FARP2: variants seen among roughly 807,000 people sequenced by gnomAD.
FARP2 encodes FERM, ARHGEF and pleckstrin domain-containing protein 2.
FARP2 carries 111 observed loss-of-function variants against 130.5 expected under a neutral mutation model. The observed-to-expected ratio is 0.85, with a 90% CI of 0.73 to 1.00. The LOEUF (loss-of-function observed/expected upper bound fraction) is 1.00, where lower values mean the gene tolerates loss of function less well. FARP2 is among the 50% of genes least tolerant of loss of function. FARP2 has a pLI of 0.00. For synonymous variants in FARP2, 504 were observed against 516.9 expected (o/e 0.98, Z 0.34); for missense variants, 1,385 against 1,346.3 (o/e 1.03, Z -0.45).
Position 241,458,336 on chromosome 2 carries a change from A to G in FARP2, c.1587+1414A>G, listed in dbSNP as rs181747525. 2.7e-3 allele frequency among the ~76,000 whole-genome samples: 418 copies of G among 152,252 alleles called. 6 individuals carry two copies. Among genetic ancestry groups the G allele is most frequent in the Admixed American group, 3.1e-3 (47 of 15,306 alleles). ...GGGAGGTATGTCATTGTGACACCTCAGCACTCCTGCTTTGGCCCGAATTGG... is the reference window on the plus strand; with the variant it reads ...GGGAGGTATGTCATTGTGACACCTCGGCACTCCTGCTTTGGCCCGAATTGG... On this transcript the variant is annotated intron_variant, in intron 14 of 26. Transcript: ENST00000264042.
At chr2:241,402,876 A>AT (rs1559735163) in intron 2 of FARP2, among the ~76,000 whole-genome samples, 10 of 10,448 alleles carry the variant, frequency 9.6e-4, no homozygotes, top group Non-Finnish European at 1.2e-3. Flanking sequence ...ATATATATAT[A>AT]TATATTTTTT....
Position 241,491,121 on chromosome 2 carries a change from G to C in FARP2, c.2565G>C (p.Lys855Asn), listed in dbSNP as rs917540877. Residue 855 changes from lysine to asparagine, a missense_variant, in exon 23 of 27, where the codon AAG becomes AAC. Coordinates refer to ENST00000264042, the MANE Select transcript of FARP2 (RefSeq NM_014808.4). ...TGAACTCCGCGATCCAAGCAGCCAA[G>C]AGTGGCGGTGACACGGCCCCTGCAC... ...LDLNSAIQAA[K>N]SGGDTAPALP... is the part of the protein sequence containing the mutation. 1 of 1,613,368 alleles carries C rather than the reference G, an allele frequency of 6.2e-7. No homozygotes were observed. Among genetic ancestry groups the C allele is most frequent in the Non-Finnish European group, 8.5e-7 (1 of 1,180,000 alleles).
chr2:241,470,213 C>T (rs535741120), intron 18 of FARP2, among the ~76,000 whole-genome samples: 1 of 152,248 alleles, frequency 6.6e-6, no homozygotes, highest in Non-Finnish European at 1.5e-5. Context: ...TTGGGGCTGG[C>T]AGAAGCCAGC....
chr2:241,384,340 C>T (rs1438920254), intron 2 of FARP2, among the ~76,000 whole-genome samples: 1 of 152,036 alleles, frequency 6.6e-6, no homozygotes, highest in African/African-American at 2.4e-5. Context: ...CAGCTTTTTG[C>T]CACAGTGGTA....
intron 16 of FARP2, 69 bp downstream of exon 16, chr2:241,463,537 C>G: frequency 6.5e-7 from 1 of 1,541,648 alleles, no homozygotes; most frequent in Non-Finnish European, 8.7e-7. Flanking sequence ...TTAGGAACTT[C>G]CCAGCTTCAG....
intron 8 of FARP2, among the ~76,000 whole-genome samples, chr2:241,420,339 G>A (rs2379200): frequency 2.6e-5 from 4 of 152,100 alleles, no homozygotes; most frequent in Non-Finnish European, 5.9e-5. Context: ...GTGGGGAAAA[G>A]AGAGAAAATT....
chr2:241,434,026 T>C, intron 9 of FARP2, 132 bp from the exon 10 acceptor site: 1 of 702,744 alleles, frequency 1.4e-6, no homozygotes, highest in Admixed American at 2.8e-5. Context: ...CAGAGCAAGA[T>C]CCTGTCTCAA....
intron 18 of FARP2, among the ~76,000 whole-genome samples, chr2:241,472,225 A>G (rs374899204): frequency 0.049 from 3,146 of 64,156 alleles, no homozygotes; most frequent in Admixed American, 0.15. Context: ...TGAGGGGACC[A>G]TGTTCTGTGG....
intron 13 of FARP2, among the ~76,000 whole-genome samples, chr2:241,456,027 G>A (rs867203165): frequency 6.6e-6 from 1 of 151,236 alleles, no homozygotes. Flanking sequence ...TAACCTTTGA[G>A]AATTTTTTTA....
At chr2:241,465,466 C>T (rs1429879225) in intron 17 of FARP2, 16 of 1,550,350 alleles carry the variant, frequency 1.0e-5, no homozygotes, top group Middle Eastern at 1.7e-4. Context: ...TCAGGTGTTC[C>T]AGCTCCACGA....
At chr2:241,359,437 T>C (rs553223236) in intron 1 of FARP2, among the ~76,000 whole-genome samples, 1 of 152,348 alleles carries the variant, frequency 6.6e-6, no homozygotes, top group South Asian at 2.1e-4. Flanking sequence ...TCCAACCAGT[T>C]GGCCCACTAG....
chr2:241,455,170 G>T (rs2063796918), intron 13 of FARP2, among the ~76,000 whole-genome samples: 1 of 152,204 alleles, frequency 6.6e-6, no homozygotes, highest in African/African-American at 2.4e-5. Context: ...GCATCTGAAG[G>T]TGCCAACAGT....
At chr2:241,428,745 C>A (rs1167176118) in intron 8 of FARP2, among the ~76,000 whole-genome samples, 1 of 151,936 alleles carries the variant, frequency 6.6e-6, no homozygotes, top group Non-Finnish European at 1.5e-5. Context: ...TATCTAATTT[C>A]AGAACGTTTT....
At position 241,453,768 on chromosome 2, in the gene FARP2, G is replaced by GTTTTTTTTTTTTTTTTTTTTTTTTT. The variant is rs1559786201; in HGVS notation, c.1412-2979_1412-2978insTTTTTTTTTTTTTTTTTTTTTTTTT. ...TTGTTTACTGGGAGTGGCACTTACT[G>GTTTTTTTTTTTTTTTTTTTTTTTTT]GTTTTTTTTTTTTTTTTTTTTTTTT... On this transcript the variant is annotated intron_variant, in intron 13 of 26. Transcript: ENST00000264042. 5.0e-5 allele frequency among the ~76,000 whole-genome samples: 5 copies of GTTTTTTTTTTTTTTTTTTTTTTTTT among 99,896 alleles called. 1 individual carries two copies. The highest frequency in any genetic ancestry group is 8.0e-5 in the African/African-American group (2 of 25,058). The allele number at this position is 99,896 out of a possible 152,430, so 65.5% of individuals were successfully genotyped here. A position where few individuals can be genotyped will look rare whatever the true frequency, so the allele number is the denominator to read the frequency against.
chr2:241,492,267 G>C (rs1261291254), intron 24 of FARP2, among the ~76,000 whole-genome samples: 1 of 152,192 alleles, frequency 6.6e-6, no homozygotes, highest in Non-Finnish European at 1.5e-5. Context: ...CCGTGAGGGG[G>C]CTGAGCCCGA....
At chr2:241,389,251 C>T (rs1419022059) in intron 2 of FARP2, among the ~76,000 whole-genome samples, 8 of 152,120 alleles carry the variant, frequency 5.3e-5, no homozygotes, top group Non-Finnish European at 1.0e-4. Flanking sequence ...TGCCCTCCAG[C>T]CTGGATGACA....
chr2:241,462,427 G>A (rs2064044761), intron 14 of FARP2, 96 bp from the exon 15 acceptor site: 1 of 790,162 alleles, frequency 1.3e-6, no homozygotes, highest in Admixed American at 2.0e-5. Flanking sequence ...GTTACCTTGA[G>A]CAGAAGAAAG....
chr2:241,361,200 C>A (rs1332226851), intron 1 of FARP2, among the ~76,000 whole-genome samples: 1 of 152,208 alleles, frequency 6.6e-6, no homozygotes, highest in Non-Finnish European at 1.5e-5. Context: ...ACTGCCCACA[C>A]ACTTCCCTGA....
intron 18 of FARP2, among the ~76,000 whole-genome samples, chr2:241,473,382 G>A (rs544875546): frequency 1.3e-5 from 2 of 151,888 alleles, no homozygotes; most frequent in East Asian, 3.9e-4. Context: ...TGGGGGCCAT[G>A]TTCTGAGAGG....
Sources: gnomAD v4.1 joint callset for allele counts (sites outside exome capture counted in the v4.1 genomes callset) on GRCh38, gnomAD v4.1.1 for gene constraint, MANE v1.5 for transcripts, NCBI Gene and HGNC (gene_info 2026-07-23, HGNC 2026-07-21) for gene names.